GLI3: variants seen among roughly 807,000 people sequenced by gnomAD.
The protein encoded by GLI3 is GLI family zinc finger 3.
GLI3 carries 20 observed loss-of-function variants against 100.8 expected under a neutral mutation model. The observed-to-expected ratio is 0.20, with a 90% CI of 0.14 to 0.29. GLI3 has a LOEUF of 0.29. GLI3 is among the 10% of genes least tolerant of loss of function. The pLI is 1.00. For synonymous variants in GLI3, 938 were observed against 860.5 expected (o/e 1.09, Z -1.58); for missense variants, 2,040 against 2,128.5 (o/e 0.96, Z 0.82).
At chr7:42,192,684 T>C (rs1014928740) in intron 2 of GLI3, among the ~76,000 whole-genome samples, 1 of 152,142 alleles carries the variant, frequency 6.6e-6, no homozygotes, top group Non-Finnish European at 1.5e-5. Context: ...CTGTTGAAAA[T>C]GTTTAATCTG....
At chr7:41,971,225 T>C (rs1340652521) in intron 13 of GLI3, among the ~76,000 whole-genome samples, 1 of 152,244 alleles carries the variant, frequency 6.6e-6, no homozygotes, top group Non-Finnish European at 1.5e-5. Context: ...CTCCATCCGA[T>C]AGACTGCTCT....
intron 1 of GLI3, among the ~76,000 whole-genome samples, chr7:42,244,948 A>G (rs1788957422): frequency 6.6e-6 from 1 of 152,236 alleles, no homozygotes; most frequent in East Asian, 1.9e-4. Context: ...AGGAGTTTTT[A>G]GAGACTTTTA....
chr7:42,152,662 T>A (rs572335688), intron 2 of GLI3, among the ~76,000 whole-genome samples: 2 of 152,154 alleles, frequency 1.3e-5, no homozygotes, highest in Non-Finnish European at 2.9e-5. Flanking sequence ...ACAATCAGCC[T>A]GAGAGAAGGA....
chr7:42,142,520 T>C (rs1190926209), intron 3 of GLI3, among the ~76,000 whole-genome samples: 1 of 152,180 alleles, frequency 6.6e-6, no homozygotes, highest in East Asian at 1.9e-4. Context: ...TAACAAATTT[T>C]TCTAAATGCT....
intron 10 of GLI3, among the ~76,000 whole-genome samples, chr7:42,022,283 C>T (rs1475842692): frequency 1.3e-5 from 2 of 152,010 alleles, no homozygotes; most frequent in Non-Finnish European, 2.9e-5. Context: ...AACTGCAATG[C>T]GTGGAATACA....
At chr7:42,065,108 G>T (rs920210098) in intron 4 of GLI3, among the ~76,000 whole-genome samples, 1 of 151,620 alleles carries the variant, frequency 6.6e-6, no homozygotes, top group African/African-American at 2.4e-5. Context: ...TTTCATCACA[G>T]ACTGTGTGTT....
At chr7:42,081,016 A>C (rs1274504900) in intron 3 of GLI3, among the ~76,000 whole-genome samples, 2 of 152,186 alleles carry the variant, frequency 1.3e-5, no homozygotes. Context: ...TTGACAAAAC[A>C]CCACATGATG....
intron 3 of GLI3, among the ~76,000 whole-genome samples, chr7:42,128,018 CA>C (rs762509904): frequency 9.3e-4 from 79 of 84,962 alleles, no homozygotes; most frequent in Non-Finnish European, 9.8e-4. Context: ...GACCCTGACT[CA>C]AAAAAAAAAA....
chr7:42,083,345 C>T (rs543322718), intron 3 of GLI3, among the ~76,000 whole-genome samples: 35 of 152,300 alleles, frequency 2.3e-4, no homozygotes, highest in African/African-American at 8.2e-4. Context: ...CAGTTCCATC[C>T]ATGTTGTTGC....
At chr7:42,110,027 T>C (rs1005125879) in intron 3 of GLI3, among the ~76,000 whole-genome samples, 7 of 152,194 alleles carry the variant, frequency 4.6e-5, no homozygotes, top group Admixed American at 1.3e-4. Context: ...ATATCTTTCT[T>C]ATATAAGGCT....
chr7:42,139,068 T>C (rs141350795), intron 3 of GLI3, among the ~76,000 whole-genome samples: 25 of 152,348 alleles, frequency 1.6e-4, no homozygotes, highest in African/African-American at 5.5e-4. Flanking sequence ...CACTTGGTTA[T>C]TTCTGGGCCC....
At chr7:42,173,331 C>T (rs890788995) in intron 2 of GLI3, among the ~76,000 whole-genome samples, 1 of 152,136 alleles carries the variant, frequency 6.6e-6, no homozygotes, top group African/African-American at 2.4e-5. Context: ...CTTTAAGTTA[C>T]TTATTTCTAA....
At chr7:42,034,266 T>A (rs1489008568) in intron 7 of GLI3, among the ~76,000 whole-genome samples, 1 of 152,232 alleles carries the variant, frequency 6.6e-6, no homozygotes, top group Non-Finnish European at 1.5e-5. Flanking sequence ...GAGAAAGAAG[T>A]GTGTCTGGTG....
intron 4 of GLI3, among the ~76,000 whole-genome samples, chr7:42,073,059 G>A (rs1423570003): frequency 6.6e-6 from 1 of 152,104 alleles, no homozygotes; most frequent in African/African-American, 2.4e-5. Flanking sequence ...TACAATGCAG[G>A]AATTGTACAT....
chr7:42,039,851 A>G (rs1054034412), intron 7 of GLI3, among the ~76,000 whole-genome samples, 187 bp downstream of exon 7: 1 of 152,210 alleles, frequency 6.6e-6, no homozygotes, highest in Non-Finnish European at 1.5e-5. Flanking sequence ...ACACAAAATA[A>G]TCTGGGGCCC....
At chr7:42,237,720 G>A (rs1463556835), upstream of GLI3, 2 of 152,110 alleles carry the variant, frequency 1.3e-5, no homozygotes, top group Non-Finnish European at 2.9e-5. Flanking sequence ...GACGCGCTGA[G>A]CAGCAGGACG....
At position 42,026,173 on chromosome 7, in the gene GLI3, C is replaced by T. The variant is rs549859434; in HGVS notation, c.1242+26G>A. ...CCCACCCTCGGCTGACCAGCACGGC[C>T]GGGTGCATCGACCTGTCCCTCTCAC... is the stretch of plus-strand genomic sequence containing the variant. On this transcript the variant is annotated intron_variant, in intron 8 of 14. Transcript: ENST00000395925. The T allele has an allele frequency of 2.8e-5, 43 of 1,559,144 alleles. 1 individual carries two copies. Among genetic ancestry groups the T allele is most frequent in the South Asian group, 6.8e-5 (6 of 88,210 alleles).
chr7:42,089,046 T>C (rs1785162808), intron 3 of GLI3, among the ~76,000 whole-genome samples: 1 of 152,336 alleles, frequency 6.6e-6, no homozygotes. Context: ...CCAGTCTTCA[T>C]AAACTATACT....
chr7:42,245,681 A>AAAAAAC (rs375541556), intron 1 of GLI3, among the ~76,000 whole-genome samples: 2,533 of 152,150 alleles, frequency 0.017, 28 homozygotes, highest in South Asian at 0.035. Context: ...ACTCTGTCTC[A>AAAAAAC]AAAAACAAAA....
Sources: gnomAD v4.1 joint callset for allele counts (sites outside exome capture counted in the v4.1 genomes callset) on GRCh38, gnomAD v4.1.1 for gene constraint, MANE v1.5 for transcripts, NCBI Gene and HGNC (gene_info 2026-07-23, HGNC 2026-07-21) for gene names.